RBFOX1: variants seen among roughly 807,000 people sequenced by gnomAD.
RBFOX1 encodes RNA binding protein fox-1 homolog 1.
Under a neutral mutation model 57.7 loss-of-function variants are expected in RBFOX1, and 8 were observed. That is an observed-to-expected ratio of 0.14 (90% CI 0.08 to 0.25). The LOEUF (loss-of-function observed/expected upper bound fraction) is 0.25, where lower values mean the gene tolerates loss of function less well. RBFOX1 is among the 10% of genes least tolerant of loss of function. The probability of loss-of-function intolerance (pLI) is 1.00; values close to 1 mark genes in which losing one functional copy is unlikely to be tolerated. For missense variants in RBFOX1, 611 were observed against 548.5 expected, an observed-to-expected ratio of 1.11 and a Z score of -1.14; for synonymous variants, 326 against 222.4, an observed-to-expected ratio of 1.47 and a Z score of -4.15.
At chr16:6,788,764 C>T (rs751193326) in intron 3 of RBFOX1, among the ~76,000 whole-genome samples, 1 of 151,776 alleles carries the variant, frequency 6.6e-6, no homozygotes, top group African/African-American at 2.4e-5. Flanking sequence ...TGTGAGCGAC[C>T]GTGCCCGGCC....
intron 2 of RBFOX1, among the ~76,000 whole-genome samples, chr16:6,484,980 C>T (rs2095443730): frequency 6.6e-6 from 1 of 152,192 alleles, no homozygotes; most frequent in Non-Finnish European, 1.5e-5. Context: ...ATGGGGACAT[C>T]TTTCTCCACT....
In RBFOX1 at chr16:5,279,671, G is replaced by C. The variant is rs569216869; in HGVS notation, c.219+39566G>C. ...CACCTACCACCATGCCTGGCTAATTGTTGTATTTTTAGTAGAGACAGGGTT... is the reference window on the plus strand; with the variant it reads ...CACCTACCACCATGCCTGGCTAATTCTTGTATTTTTAGTAGAGACAGGGTT... On this transcript the variant is annotated intron_variant, in intron 1 of 2. Transcript: ENST00000585867. Among the ~76,000 whole-genome samples the C allele has an allele frequency of 7.9e-4, 116 of 146,098 alleles. 1 individual carries two copies. Among genetic ancestry groups the C allele is most frequent in the African/African-American group, 2.6e-3 (105 of 39,930 alleles).
Position 7,081,318 on chromosome 16 carries a change from A to C in RBFOX1, c.27+29220A>C, listed in dbSNP as rs542363499. Among the ~76,000 whole-genome samples the C allele has an allele frequency of 2.0e-5, 3 of 152,324 alleles. No homozygotes were observed. The South Asian group carries it at 6.2e-4, about 32-fold the overall frequency. On this transcript the variant is annotated intron_variant, in intron 4 of 15. Transcript: ENST00000550418. Reference sequence around the variant, plus strand: ...CCAAAGTGCTGGGATTATAGGTGTGAGCCACCACGCCCGGCCCACACTGGC... The same window carrying C: ...CCAAAGTGCTGGGATTATAGGTGTGCGCCACCACGCCCGGCCCACACTGGC...
intron 4 of RBFOX1, among the ~76,000 whole-genome samples, chr16:7,147,256 C>T (rs1007331688): frequency 1.4e-3 from 211 of 150,180 alleles, no homozygotes; most frequent in Non-Finnish European, 1.6e-3. Context: ...CCGCCCACCT[C>T]AGCCTCCCAA....
chr16:5,513,642 C>G (rs557787811), intron 2 of RBFOX1, among the ~76,000 whole-genome samples: 1 of 152,108 alleles, frequency 6.6e-6, no homozygotes, highest in African/African-American at 2.4e-5. Flanking sequence ...GTTTATTCCC[C>G]CACATTTGTT....
At chr16:6,348,765 T>C (rs1465337699) in intron 2 of RBFOX1, among the ~76,000 whole-genome samples, 1 of 151,958 alleles carries the variant, frequency 6.6e-6, no homozygotes, top group African/African-American at 2.4e-5. Flanking sequence ...GTGCTAACCA[T>C]TCATGAAGGA....
intron 4 of RBFOX1, among the ~76,000 whole-genome samples, chr16:5,949,156 C>T (rs1404969227): frequency 6.6e-6 from 1 of 152,068 alleles, no homozygotes. Context: ...AACCAGCATA[C>T]CATTAGCTGA....
intron 2 of RBFOX1, among the ~76,000 whole-genome samples, chr16:5,536,105 C>CT (rs1391194294): frequency 6.7e-6 from 1 of 149,804 alleles, no homozygotes; most frequent in Non-Finnish European, 1.5e-5. Flanking sequence ...GCCCCCCCCC[C>CT]CTTTTTTTTC....
intron 3 of RBFOX1, among the ~76,000 whole-genome samples, chr16:5,796,067 G>C (rs1322642495): frequency 6.6e-6 from 1 of 152,192 alleles, no homozygotes; most frequent in East Asian, 1.9e-4. Context: ...TCAGCTTGTA[G>C]ATTGGGGGAA....
At chr16:6,225,320 T>C (rs2152889959) in intron 1 of RBFOX1, among the ~76,000 whole-genome samples, 1 of 152,282 alleles carries the variant, frequency 6.6e-6, no homozygotes, top group African/African-American at 2.4e-5. Flanking sequence ...AGCATTGCTA[T>C]AACTTGCGTA....
At chr16:6,944,481 C>G (rs979760976) in intron 3 of RBFOX1, among the ~76,000 whole-genome samples, 6 of 151,986 alleles carry the variant, frequency 3.9e-5, no homozygotes, top group East Asian at 1.9e-4. Flanking sequence ...TGACTTATCT[C>G]CACATAGGTG....
intron 1 of RBFOX1, among the ~76,000 whole-genome samples, chr16:5,293,946 C>T (rs955815230): frequency 6.6e-6 from 1 of 152,128 alleles, no homozygotes; most frequent in Admixed American, 6.6e-5. Context: ...GTAAAAAGTA[C>T]TGCCAGGAGC....
intron 3 of RBFOX1, among the ~76,000 whole-genome samples, chr16:6,845,742 C>T (rs1050868040): frequency 1.3e-5 from 2 of 152,158 alleles, no homozygotes; most frequent in Non-Finnish European, 2.9e-5. Context: ...CCTTCCTGAC[C>T]CCCATACACA....
At chr16:5,903,691 C>T (rs867393093) in intron 4 of RBFOX1, among the ~76,000 whole-genome samples, 1 of 152,098 alleles carries the variant, frequency 6.6e-6, no homozygotes, top group Non-Finnish European at 1.5e-5. Context: ...TTATGCTTGG[C>T]CTTAGATATG....
At chr16:6,948,104 G>C (rs939637749) in intron 3 of RBFOX1, among the ~76,000 whole-genome samples, 4 of 152,012 alleles carry the variant, frequency 2.6e-5, no homozygotes, top group Non-Finnish European at 5.9e-5. Context: ...TTCTTCTGCG[G>C]TTTGAGAAGG....
intron 1 of RBFOX1, among the ~76,000 whole-genome samples, chr16:6,291,021 G>A (rs1366592386): frequency 6.6e-6 from 1 of 152,102 alleles, no homozygotes; most frequent in Non-Finnish European, 1.5e-5. Flanking sequence ...GTATTATTCA[G>A]GCCTCCCCTT....
chr16:6,002,959 C>A (rs2060626925), intron 4 of RBFOX1, among the ~76,000 whole-genome samples: 1 of 152,108 alleles, frequency 6.6e-6, no homozygotes, highest in Non-Finnish European at 1.5e-5. Flanking sequence ...ACAGCCATTT[C>A]AATTTTCCTC....
intron 4 of RBFOX1, among the ~76,000 whole-genome samples, chr16:7,248,092 G>A (rs868101692): frequency 9.8e-5 from 15 of 152,314 alleles, no homozygotes; most frequent in South Asian, 6.2e-4. Context: ...AAGAATAACC[G>A]CTGATTTTAG....
chr16:7,403,972 T>G (rs1237042295), intron 4 of RBFOX1, among the ~76,000 whole-genome samples: 4 of 150,254 alleles, frequency 2.7e-5, no homozygotes, highest in Non-Finnish European at 5.9e-5. Flanking sequence ...TAAGTTGTTT[T>G]TATTATTGTG....
Sources: allele counts gnomAD v4.1 joint callset (sites outside exome capture counted in the v4.1 genomes callset), GRCh38; gene constraint gnomAD v4.1.1; transcripts MANE v1.5; gene names NCBI Gene and HGNC (gene_info 2026-07-23, HGNC 2026-07-21).